The following OR5D16 variants were observed in gnomAD, a reference collection of about 807,000 sequenced individuals.
OR5D16 encodes olfactory receptor family 5 subfamily D member 16, also known as olfactory receptor 5D16.
For synonymous variants in OR5D16, 185 were observed against 153.2 expected (o/e 1.21, Z -1.53); for missense variants, 477 against 385.5 (o/e 1.24, Z -1.99).
rs776782822 is a variant in OR5D16 at position 55,839,097 on chromosome 11, C to T, written c.346C>T (p.Leu116=). The T allele has an allele frequency of 2.5e-6, 4 of 1,613,890 alleles. No individual in the cohort carries two copies. The highest frequency in any genetic ancestry group is 2.2e-5 in the East Asian group (1 of 44,876). Residue 116 remains leucine, a synonymous_variant, in exon 1 of 1, where the codon CTA becomes TTA. Transcript: ENST00000378396. ...FCTFVVTELI[L]FAVMAYDHFV... is the part of the protein sequence containing the mutation. ...CACCTTTGTAGTGACTGAATTAATT[C>T]TATTTGCGGTGATGGCCTATGACCA...
Position 55,839,639 on chromosome 11 carries a change from T to C in OR5D16, c.888T>C (p.Asn296=). Residue 296 remains asparagine (N), a synonymous_variant, in exon 1 of 1, where the codon AAT becomes AAC. Transcript: ENST00000378396. ...ATCCCCTGATCTACAGTCTGAGAAA[T>C]AAAGATGTTAAGGATGCAATCCGAA... ...LLNPLIYSLR[N]KDVKDAIRKI... is the part of the protein sequence containing the mutation. 1 of 1,613,772 alleles carries C rather than the reference T, an allele frequency of 6.2e-7. No individual in the cohort carries two copies. Among genetic ancestry groups the C allele is most frequent in the Non-Finnish European group, 8.5e-7 (1 of 1,179,750 alleles).
In OR5D16 at chr11:55,838,773, A is replaced by G; in HGVS notation, c.22A>G (p.Thr8Ala). The G allele has an allele frequency of 6.2e-7, 1 of 1,609,726 alleles. No individual in the cohort carries two copies. The highest frequency in any genetic ancestry group is 8.5e-7 in the Non-Finnish European group (1 of 1,178,206). Residue 8 changes from threonine to alanine, a missense_variant, in exon 1 of 1, where the codon ACG becomes GCG. Thr to Ala is a moderately conservative substitution (Grantham distance 58, BLOSUM62 0). Coordinates refer to ENST00000378396, the MANE Select transcript of OR5D16 (RefSeq NM_001005496.1). Reference sequence around the variant, plus strand: ...AAACATGTTTCTGACAGAGAGAAATACGACATCTGAGGCCACATTCACTCT... The same window carrying G: ...AAACATGTTTCTGACAGAGAGAAATGCGACATCTGAGGCCACATTCACTCT... MFLTERN[T>A]TSEATFTLLG...
In OR5D16 at chr11:55,838,764, G is replaced by A; in HGVS notation, c.13G>A (p.Glu5Lys). The A allele has an allele frequency of 1.2e-6, 2 of 1,606,700 alleles. No individual in the cohort carries two copies. The highest frequency in any genetic ancestry group is 1.3e-5 in the African/African-American group (1 of 74,554). The change falls in exon 1 of 1, where the codon GAG (glutamate) becomes AAG (lysine). Residue 5 changes from glutamate (E) to lysine (K), a missense_variant. Transcript: ENST00000378396. MFLT[E>K]RNTTSEATFT... ...ACGAAAGGAAAACATGTTTCTGACA[G>A]AGAGAAATACGACATCTGAGGCCAC...
chr11:55,839,167 C>T lies in OR5D16; in HGVS notation c.416C>T (p.Ser139Phe), dbSNP rs781123999. ...CNPLLYTVAI[S>F]QKLCAMLVVV... ...CCTCTGCTCTACACAGTTGCCATCT[C>T]CCAGAAACTCTGTGCCATGCTGGTG... Residue 139 changes from serine to phenylalanine, a missense_variant, in exon 1 of 1, where the codon TCC (serine) becomes TTC (phenylalanine). By Grantham distance (155) the Ser-to-Phe change is radical. Coordinates refer to ENST00000378396, the MANE Select transcript of OR5D16 (RefSeq NM_001005496.1). The T allele has an allele frequency of 3.1e-6, 5 of 1,614,012 alleles. No homozygotes were observed. In the East Asian group the frequency reaches 8.9e-5, roughly 29 times the overall value.
chr11:55,839,456 G>A lies in OR5D16; in HGVS notation c.705G>A (p.Gly235=). Residue 235 remains glycine (G), a synonymous_variant, in exon 1 of 1, where the codon GGG becomes GGA. Transcript: ENST00000378396. ...VTTLKMPSAS[G]HRKVFSTCAS... ...CCTTGAAGATGCCTTCAGCCAGTGG[G>A]CACCGCAAAGTCTTCTCCACCTGTG... 1 of 1,613,918 alleles carries A rather than the reference G, an allele frequency of 6.2e-7. No homozygotes were observed. Among genetic ancestry groups the A allele is most frequent in the South Asian group, 1.1e-5 (1 of 91,078 alleles).
Position 55,838,978 on chromosome 11 carries a change from C to G in OR5D16, c.227C>G (p.Ser76Cys). 1 of 1,614,040 alleles carries G rather than the reference C, an allele frequency of 6.2e-7. No individual in the cohort carries two copies. The stretch of plus-strand genomic sequence containing the variant: ...CTCTCCTTTGTGGATTTCTGCTATT[C>G]CTCCATCATTGCTCCCATGATGCTG... ...NHLSFVDFCY[S>C]SIIAPMMLVN... The change falls in exon 1 of 1, where the codon TCC becomes TGC. Residue 76 changes from serine to cysteine, a missense_variant. Physicochemically the swap from Ser to Cys is moderately radical, Grantham distance 112. Coordinates refer to ENST00000378396, the MANE Select transcript of OR5D16 (RefSeq NM_001005496.1).
At position 55,839,097 on chromosome 11, in the gene OR5D16, C is replaced by A; in HGVS notation, c.346C>A (p.Leu116Ile). 2 of 1,614,008 alleles carry A rather than the reference C, an allele frequency of 1.2e-6. No individual in the cohort carries two copies. The highest frequency in any genetic ancestry group is 1.7e-6 in the Non-Finnish European group (2 of 1,179,972). Residue 116 changes from leucine (L) to isoleucine (I), a missense_variant, in exon 1 of 1, where the codon CTA (leucine) becomes ATA (isoleucine). Coordinates refer to ENST00000378396, the MANE Select transcript of OR5D16 (RefSeq NM_001005496.1). ...FCTFVVTELI[L>I]FAVMAYDHFV... The stretch of plus-strand genomic sequence containing the variant: ...CACCTTTGTAGTGACTGAATTAATT[C>A]TATTTGCGGTGATGGCCTATGACCA...
rs1230030584 is a variant in OR5D16 at position 55,839,653 on chromosome 11, A to G, written c.902A>G (p.Asp301Gly). Residue 301 changes from aspartate (D) to glycine (G), a missense_variant, in exon 1 of 1, where the codon GAT (aspartate) becomes GGT (glycine). By Grantham distance (94) the Asp-to-Gly change is moderately conservative (BLOSUM62 -1). Transcript: ENST00000378396. ...AGTCTGAGAAATAAAGATGTTAAGGATGCAATCCGAAAAATAATCAATACA... is the reference window on the plus strand; with the variant it reads ...AGTCTGAGAAATAAAGATGTTAAGGGTGCAATCCGAAAAATAATCAATACA... ...IYSLRNKDVK[D>G]AIRKIINTKY... The G allele has an allele frequency of 1.9e-6, 3 of 1,612,732 alleles. No individual in the cohort carries two copies. The highest frequency in any genetic ancestry group is 3.3e-5 in the Admixed American group (2 of 59,982).
In OR5D16 at chr11:55,839,581, C is replaced by G. The variant is rs61896326; in HGVS notation, c.830C>G (p.Ser277Cys). The change falls in exon 1 of 1, where the codon TCT becomes TGT. Residue 277 changes from serine (S) to cysteine (C), a missense_variant. By Grantham distance (112) the Ser-to-Cys change is moderately radical (BLOSUM62 -1). Transcript: ENST00000378396. ...TCCAGGCACACAGTCAAAGTGGCCT[C>G]TGTGTTTTACACCGTGGTGATCCCC... ...KNSRHTVKVA[S>C]VFYTVVIPLL... is the part of the protein sequence containing the mutation. 1 of 1,613,966 alleles carries G rather than the reference C, an allele frequency of 6.2e-7. No individual in the cohort carries two copies. The highest frequency in any genetic ancestry group is 1.7e-5 in the Admixed American group (1 of 59,978).
rs963296346 is a variant in OR5D16, at chr11:55,839,113, C to T, written c.362C>T (p.Ala121Val). The change falls in exon 1 of 1, where the codon GCC becomes GTC. Residue 121 changes from alanine to valine, a missense_variant. Ala to Val is a moderately conservative substitution (Grantham distance 64, BLOSUM62 0). Transcript: ENST00000378396. ...GAATTAATTCTATTTGCGGTGATGG[C>T]CTATGACCACTTTGTGGCCATTTGC... The part of the protein sequence containing the change: ...VTELILFAVM[A>V]YDHFVAICNP... The T allele has an allele frequency of 3.1e-6, 5 of 1,614,048 alleles. No homozygotes were observed. The highest frequency in any genetic ancestry group is 1.7e-5 in the Admixed American group (1 of 59,992).
chr11:55,839,395 T>G lies in OR5D16; in HGVS notation c.644T>G (p.Ile215Ser). 1.9e-6 allele frequency: 3 copies of G among 1,614,054 alleles called. No homozygotes were observed. Among genetic ancestry groups the G allele is most frequent in the Non-Finnish European group, 2.5e-6 (3 of 1,179,956 alleles). Reference sequence around the variant, plus strand: ...TTTAATGAGATAAGCACACTACTCATCATTCTGACATCTTATGCATTCATC... The same window carrying G: ...TTTAATGAGATAAGCACACTACTCAGCATTCTGACATCTTATGCATTCATC... ...ATFNEISTLL[I>S]ILTSYAFIIV... The change falls in exon 1 of 1, where the codon ATC becomes AGC. Residue 215 changes from isoleucine (I) to serine (S), a missense_variant. Transcript: ENST00000378396.
In OR5D16 at chr11:55,838,906, A is replaced by G. The variant is rs749676422; in HGVS notation, c.155A>G (p.Lys52Arg). 1.1e-5 allele frequency: 18 copies of G among 1,613,890 alleles called. No homozygotes were observed. Among genetic ancestry groups the G allele is most frequent in the Non-Finnish European group, 1.4e-5 (17 of 1,179,966 alleles). Reference sequence around the variant, plus strand: ...AATCTTGGGATGATAGTGATCATCAAAATTAACCCAAAATTGCATACCCCC... The same window carrying G: ...AATCTTGGGATGATAGTGATCATCAGAATTAACCCAAAATTGCATACCCCC... ...VGNLGMIVII[K>R]INPKLHTPMY... The change falls in exon 1 of 1, where the codon AAA becomes AGA. Residue 52 changes from lysine (K) to arginine (R), a missense_variant. Physicochemically the swap from Lys to Arg is conservative, Grantham distance 26 (BLOSUM62 2). Transcript: ENST00000378396.
chr11:55,839,256 T>C lies in OR5D16; in HGVS notation c.505T>C (p.Ser169Pro). The C allele has an allele frequency of 6.2e-7, 1 of 1,614,024 alleles. No homozygotes were observed. Among genetic ancestry groups the C allele is most frequent in the Non-Finnish European group, 8.5e-7 (1 of 1,179,972 alleles). ...LTLACSALKL[S>P]FHGFNTINHF... is the part of the protein sequence containing the mutation. ...ACTCGCGTGCTCTGCTTTAAAGTTA[T>C]CTTTTCATGGTTTCAACACAATCAA... The change falls in exon 1 of 1, where the codon TCT becomes CCT. Residue 169 changes from serine (S) to proline (P), a missense_variant. Coordinates refer to ENST00000378396, the MANE Select transcript of OR5D16 (RefSeq NM_001005496.1).
In OR5D16 at chr11:55,839,150, C is replaced by T; in HGVS notation, c.399C>T (p.Leu133=). Residue 133 remains leucine (L), a synonymous_variant, in exon 1 of 1, where the codon CTC becomes CTT. Coordinates refer to ENST00000378396, the MANE Select transcript of OR5D16 (RefSeq NM_001005496.1). The part of the protein sequence containing the change: ...DHFVAICNPL[L]YTVAISQKLC... ...TTGTGGCCATTTGCAATCCTCTGCT[C>T]TACACAGTTGCCATCTCCCAGAAAC... 1 of 1,614,048 alleles carries T rather than the reference C, an allele frequency of 6.2e-7. No individual in the cohort carries two copies. The highest frequency in any genetic ancestry group is 8.5e-7 in the Non-Finnish European group (1 of 1,179,988).
Position 55,839,476 on chromosome 11 carries a change from C to T in OR5D16, c.725C>T (p.Thr242Ile), listed in dbSNP as rs762421329. The stretch of plus-strand genomic sequence containing the variant: ...AGTGGGCACCGCAAAGTCTTCTCCA[C>T]CTGTGCCTCCCACCTGACTGCCATC... ...SASGHRKVFS[T>I]CASHLTAITI... The change falls in exon 1 of 1, where the codon ACC becomes ATC. Residue 242 changes from threonine (T) to isoleucine (I), a missense_variant. Transcript: ENST00000378396. 10 of 1,614,050 alleles carry T rather than the reference C, an allele frequency of 6.2e-6. 1 individual carries two copies. The South Asian group carries it at 7.7e-5, about 12-fold the overall frequency.
In OR5D16 at chr11:55,838,899, A is replaced by T. The variant is rs1854046609; in HGVS notation, c.148A>T (p.Ile50Phe). The change falls in exon 1 of 1, where the codon ATC becomes TTC. Residue 50 changes from isoleucine (I) to phenylalanine (F), a missense_variant. Coordinates refer to ENST00000378396, the MANE Select transcript of OR5D16 (RefSeq NM_001005496.1). ...SVVGNLGMIV[I>F]IKINPKLHTP... The stretch of plus-strand genomic sequence containing the variant: ...GGTAGGGAATCTTGGGATGATAGTG[A>T]TCATCAAAATTAACCCAAAATTGCA... 1 of 1,613,920 alleles carries T rather than the reference A, an allele frequency of 6.2e-7. No individual in the cohort carries two copies. The highest frequency in any genetic ancestry group is 1.7e-5 in the Admixed American group (1 of 59,974).
chr11:55,839,182 C>T lies in OR5D16; in HGVS notation c.431C>T (p.Ala144Val). The change falls in exon 1 of 1, where the codon GCC (alanine) becomes GTC (valine). Residue 144 changes from alanine (A) to valine (V), a missense_variant. Ala to Val is a moderately conservative substitution (Grantham distance 64, BLOSUM62 0). Coordinates refer to ENST00000378396, the MANE Select transcript of OR5D16 (RefSeq NM_001005496.1). ...YTVAISQKLC[A>V]MLVVVLYAWG... is the part of the protein sequence containing the mutation. ...GTTGCCATCTCCCAGAAACTCTGTGCCATGCTGGTGGTTGTATTGTATGCA... is the reference window on the plus strand; with the variant it reads ...GTTGCCATCTCCCAGAAACTCTGTGTCATGCTGGTGGTTGTATTGTATGCA... The T allele has an allele frequency of 6.2e-7, 1 of 1,613,992 alleles. No individual in the cohort carries two copies.
In OR5D16 at chr11:55,839,105, G is replaced by A. The variant is rs139231893; in HGVS notation, c.354G>A (p.Ala118=). ...TAGTGACTGAATTAATTCTATTTGC[G>A]GTGATGGCCTATGACCACTTTGTGG... ...TFVVTELILF[A]VMAYDHFVAI... The change falls in exon 1 of 1, where the codon GCG becomes GCA. Residue 118 remains alanine, a synonymous_variant. Transcript: ENST00000378396. 356 of 1,613,940 alleles carry A rather than the reference G, an allele frequency of 2.2e-4. 1 individual carries two copies. The Middle Eastern group carries it at 2.6e-3, about 12-fold the overall frequency.
chr11:55,839,632 T>C lies in OR5D16; in HGVS notation c.881T>C (p.Leu294Pro), dbSNP rs1306626371. Residue 294 changes from leucine (L) to proline (P), a missense_variant, in exon 1 of 1, where the codon CTG (leucine) becomes CCG (proline). Physicochemically the swap from Leu to Pro is moderately conservative, Grantham distance 98 (BLOSUM62 -3). Coordinates refer to ENST00000378396, the MANE Select transcript of OR5D16 (RefSeq NM_001005496.1). The part of the protein sequence containing the change: ...IPLLNPLIYS[L>P]RNKDVKDAIR... The stretch of plus-strand genomic sequence containing the variant: ...TTGTTGAATCCCCTGATCTACAGTC[T>C]GAGAAATAAAGATGTTAAGGATGCA... 6.2e-7 allele frequency: 1 copy of C among 1,613,810 alleles called. No individual in the cohort carries two copies. Among genetic ancestry groups the C allele is most frequent in the Non-Finnish European group, 8.5e-7 (1 of 1,179,812 alleles).
Sources: allele counts gnomAD v4.1 joint callset, GRCh38; gene constraint gnomAD v4.1.1; transcripts MANE v1.5; gene names NCBI Gene and HGNC (gene_info 2026-07-23, HGNC 2026-07-21).